PLAC8L1: variants seen among roughly 807,000 people sequenced by gnomAD.
PLAC8L1 encodes the protein PLAC8 like 1.
A neutral mutation model predicts 16.3 loss-of-function variants in PLAC8L1; 13 were observed. The ratio of observed to expected loss-of-function variants is 0.80; its 90% CI spans 0.52 to 1.27. The LOEUF is 1.27. PLAC8L1 is among the 50% of genes most tolerant of loss of function. PLAC8L1 has a pLI of 0.00. For missense variants in PLAC8L1, 184 were observed against 220.2 expected, an observed-to-expected ratio of 0.84 and a Z score of 1.04; for synonymous variants, 78 against 79.3, an observed-to-expected ratio of 0.98 and a Z score of 0.09.
chr5:146,097,674 G>C lies in PLAC8L1; in HGVS notation c.256+482C>G, dbSNP rs139385076. ...ATAATTCATTGTGTGGATTCCTCTT[G>C]TTGAACATTTAAGTTGTTCCAGGTT... On this transcript the variant is annotated intron_variant, in intron 2 of 3. Transcript: ENST00000311450. 2.5e-3 allele frequency among the ~76,000 whole-genome samples: 376 copies of C among 152,264 alleles called. 3 individuals are homozygous for C. The highest frequency in any genetic ancestry group is 8.5e-3 in the African/African-American group (354 of 41,546).
intron 1 of PLAC8L1, among the ~76,000 whole-genome samples, chr5:146,100,717 G>C (rs1763800020): frequency 6.6e-6 from 1 of 151,758 alleles, no homozygotes; most frequent in Non-Finnish European, 1.5e-5. Flanking sequence ...TATAACAAAT[G>C]TATGGGTATA....
chr5:146,095,803 A>G (rs1763709381), intron 2 of PLAC8L1, among the ~76,000 whole-genome samples: 1 of 152,156 alleles, frequency 6.6e-6, no homozygotes, highest in African/African-American at 2.4e-5. Flanking sequence ...TGAAACATCA[A>G]TTCTCAGATG....
At chr5:146,103,481 A>C (rs1193096998) in intron 1 of PLAC8L1, among the ~76,000 whole-genome samples, 1 of 152,118 alleles carries the variant, frequency 6.6e-6, no homozygotes, top group Non-Finnish European at 1.5e-5. Flanking sequence ...TCTTAAAAAA[A>C]AAAGATTCAG....
At chr5:146,101,482 T>C (rs1763816210) in intron 1 of PLAC8L1, among the ~76,000 whole-genome samples, 1 of 152,182 alleles carries the variant, frequency 6.6e-6, no homozygotes, top group Non-Finnish European at 1.5e-5. Flanking sequence ...AAACTACTTT[T>C]ATGTCTTATT....
intron 2 of PLAC8L1, 119 bp downstream of exon 2, chr5:146,098,037 G>C: frequency 5.0e-6 from 6 of 1,200,448 alleles, no homozygotes; most frequent in Non-Finnish European, 6.9e-6. Flanking sequence ...TGAAAGATTA[G>C]TCCAGTTATT....
chr5:146,102,572 G>A (rs543834679), intron 1 of PLAC8L1, among the ~76,000 whole-genome samples: 3 of 152,016 alleles, frequency 2.0e-5, no homozygotes, highest in Non-Finnish European at 4.4e-5. Context: ...TACATATTAC[G>A]CCCAGGGAAT....
intron 2 of PLAC8L1, among the ~76,000 whole-genome samples, chr5:146,086,155 A>G (rs896486952): frequency 1.9e-4 from 28 of 144,768 alleles, no homozygotes; most frequent in African/African-American, 7.1e-4. Context: ...TCAGCCTCCC[A>G]AGTAGCTGGG....
In PLAC8L1 at chr5:146,084,330, A is replaced by G; in HGVS notation, c.*102T>C. On this transcript the variant is annotated 3_prime_UTR_variant, in exon 4 of 4. Coordinates refer to ENST00000311450, the MANE Select transcript of PLAC8L1 (RefSeq NM_001029869.3). ...AGAGACAGTAGGGGGGAAATCATTT[A>G]TTTTCATACCATTTCAGTAAAAACT... The G allele has an allele frequency of 7.1e-7, 1 of 1,406,154 alleles. No individual in the cohort carries two copies. Among genetic ancestry groups the G allele is most frequent in the South Asian group, 1.3e-5 (1 of 74,074 alleles). 87.1% of individuals were successfully genotyped at this position (1,406,154 alleles called of 1,614,324 possible). A position where few individuals can be genotyped will look rare whatever the true frequency, so the allele number is the denominator to read the frequency against.
intron 2 of PLAC8L1, among the ~76,000 whole-genome samples, chr5:146,090,426 T>G (rs957687138): frequency 1.3e-5 from 2 of 151,306 alleles, no homozygotes; most frequent in Middle Eastern, 6.8e-3. Context: ...TCCCAGCTAC[T>G]CAGGAGGTTG....
Position 146,086,024 on chromosome 5 carries a change from C to CTTT in PLAC8L1, c.257-430_257-428dup, listed in dbSNP as rs58130114. ...ATTTCTATAAGTGTAATTGAAAGGTCTTTTTTTTTTTTTTTTTTTTTTTGA... is the reference window on the plus strand; with the variant it reads ...ATTTCTATAAGTGTAATTGAAAGGTCTTTTTTTTTTTTTTTTTTTTTTTTTTGA... On this transcript the variant is annotated intron_variant, in intron 2 of 3. Transcript: ENST00000311450. Among the ~76,000 whole-genome samples the CTTT allele has an allele frequency of 1.2e-3, 104 of 90,378 alleles. 1 individual carries two copies. The highest frequency in any genetic ancestry group is 2.3e-3 in the East Asian group (7 of 3,020). The allele number at this position is 90,378 out of a possible 152,430, so 59.3% of individuals were successfully genotyped here.
intron 2 of PLAC8L1, among the ~76,000 whole-genome samples, chr5:146,093,057 T>C (rs910793200): frequency 4.6e-5 from 7 of 152,132 alleles, no homozygotes; most frequent in African/African-American, 1.7e-4. Flanking sequence ...TCTAGAAGGA[T>C]AGATACCAAA....
chr5:146,098,842 C>T (rs747119185), intron 1 of PLAC8L1, among the ~76,000 whole-genome samples: 2 of 152,154 alleles, frequency 1.3e-5, no homozygotes, highest in Non-Finnish European at 2.9e-5. Flanking sequence ...CAGACTGAAA[C>T]CTGGACTAGG....
In PLAC8L1 at chr5:146,104,588, A is replaced by C; in HGVS notation, c.-277T>G. On this transcript the variant is annotated 5_prime_UTR_variant, in exon 1 of 4. Transcript: ENST00000311450. ...GAAAAAGACTTATCTTTGGTGGAAA[A>C]CTCTTTAAGAGATGCCTCTAGTAAA... 3.5e-6 allele frequency: 1 copy of C among 285,404 alleles called. No homozygotes were observed. Among genetic ancestry groups the C allele is most frequent in the Non-Finnish European group, 6.7e-6 (1 of 150,228 alleles). The allele number at this position is 285,404 out of a possible 1,614,324, so 17.7% of individuals were successfully genotyped here. A position where few individuals can be genotyped will look rare whatever the true frequency, so the allele number is the denominator to read the frequency against.
At chr5:146,087,395 T>C (rs1580971707) in intron 2 of PLAC8L1, among the ~76,000 whole-genome samples, 1 of 152,336 alleles carries the variant, frequency 6.6e-6, no homozygotes. Context: ...GGAAGGGGAA[T>C]TGCTAGGTTA....
intron 1 of PLAC8L1, 56 bp from the exon 2 acceptor site, chr5:146,098,348 C>A: frequency 1.3e-6 from 2 of 1,570,586 alleles, no homozygotes; most frequent in South Asian, 1.2e-5. Flanking sequence ...AGAACAATAA[C>A]CATTAAGCCA....
intron 2 of PLAC8L1, among the ~76,000 whole-genome samples, chr5:146,094,393 T>C (rs570202977): frequency 5.9e-5 from 9 of 152,348 alleles, no homozygotes; most frequent in African/African-American, 2.2e-4. Context: ...TAGATTTGTT[T>C]ATTATCCATC....
chr5:146,102,417 A>G (rs1763836489), intron 1 of PLAC8L1, among the ~76,000 whole-genome samples: 2 of 152,306 alleles, frequency 1.3e-5, no homozygotes, highest in East Asian at 1.9e-4. Context: ...ATGTGTTGTA[A>G]TTGAAATAAC....
chr5:146,102,457 C>T (rs1289645377), intron 1 of PLAC8L1, among the ~76,000 whole-genome samples: 1 of 152,170 alleles, frequency 6.6e-6, no homozygotes, highest in African/African-American at 2.4e-5. Flanking sequence ...TGAGTACCTT[C>T]CATGTACCAG....
chr5:146,102,945 C>A (rs942782855), intron 1 of PLAC8L1, among the ~76,000 whole-genome samples: 4 of 152,142 alleles, frequency 2.6e-5, no homozygotes, highest in Non-Finnish European at 5.9e-5. Flanking sequence ...ACTTCAGGAT[C>A]CTGTGTATGC....
Sources: gnomAD v4.1 joint callset for allele counts (sites outside exome capture counted in the v4.1 genomes callset) on GRCh38, gnomAD v4.1.1 for gene constraint, MANE v1.5 for transcripts, NCBI Gene and HGNC (gene_info 2026-07-23, HGNC 2026-07-21) for gene names.